COL4A2: variants seen among roughly 807,000 people sequenced by gnomAD.
COL4A2 encodes the protein collagen alpha-2(IV) chain.
In COL4A2, 99 loss-of-function variants were observed where a neutral mutation model predicts 200.2. The ratio of observed to expected loss-of-function variants is 0.49; its 90% CI spans 0.42 to 0.58. The LOEUF is 0.58. Among genes scored for constraint, COL4A2 ranks in the 20% least tolerant of loss-of-function variants. COL4A2 has a pLI of 0.00. For synonymous variants in COL4A2, 897 were observed against 900.6 expected, an observed-to-expected ratio of 1.00 and a Z score of 0.07; for missense variants, 1,950 against 2,314.1, an observed-to-expected ratio of 0.84 and a Z score of 3.23.
chr13:110,311,938 A>G (rs947536863), intron 3 of COL4A2, among the ~76,000 whole-genome samples: 22 of 151,448 alleles, frequency 1.5e-4, no homozygotes, highest in African/African-American at 5.3e-4. Flanking sequence ...GTTGGCTGCC[A>G]CCGCCTTCCC....
At chr13:110,476,298 C>T (rs1882701686) in intron 29 of COL4A2, among the ~76,000 whole-genome samples, 1 of 152,214 alleles carries the variant, frequency 6.6e-6, no homozygotes, top group Admixed American at 6.5e-5. Flanking sequence ...AATCCATTTC[C>T]CCTGGAGCTC....
intron 4 of COL4A2, among the ~76,000 whole-genome samples, chr13:110,412,215 G>T (rs562379592): frequency 6.6e-6 from 1 of 152,352 alleles, no homozygotes; most frequent in South Asian, 2.1e-4. Context: ...AAGGAAAATG[G>T]AATTCGATGT....
rs773933253 is a variant in COL4A2 at position 110,504,195 on chromosome 13, G to C, written c.4333G>C (p.Val1445Leu). The change falls in exon 45 of 48, where the codon GTG becomes CTG. Residue 1445 changes from valine (V) to leucine (L), a missense_variant. Transcript: ENST00000360467. ...AGCTGGGCCCCAAGGAAGAGGTGGT[G>C]TGTCTGCTGTTCCCGGCTTCCGGGG... ...GKAGPQGRGG[V>L]SAVPGFRGDE... The C allele has an allele frequency of 1.9e-6, 3 of 1,614,178 alleles. No homozygotes were observed. Among genetic ancestry groups the C allele is most frequent in the Non-Finnish European group, 2.5e-6 (3 of 1,180,036 alleles).
At chr13:110,385,559 ATAGACCGTGGCTGCAGTGTG>A (rs1878679483) in intron 4 of COL4A2, among the ~76,000 whole-genome samples, 1 of 142,928 alleles carries the variant, frequency 7.0e-6, no homozygotes, top group Non-Finnish European at 1.5e-5. Context: ...CAGTGTGTGG[ATAGACCGTGGCTGCAGTGTG>A]TGGATAGGCC....
chr13:110,433,535 A>G lies in COL4A2; in HGVS notation c.685-866A>G, dbSNP rs185375732. Among the ~76,000 whole-genome samples the G allele has an allele frequency of 3.3e-5, 5 of 152,354 alleles. No homozygotes were observed. In the East Asian group the frequency reaches 9.6e-4, roughly 29 times the overall value. ...TCAGCTCCCCACCAGGTGGGGAAGA[A>G]GCAAAAGGCAAAAATTCATTGAAGG... is the stretch of plus-strand genomic sequence containing the variant. On this transcript the variant is annotated intron_variant, in intron 11 of 47. Coordinates refer to ENST00000360467, the MANE Select transcript of COL4A2 (RefSeq NM_001846.4).
chr13:110,350,828 A>T (rs1392072910), intron 3 of COL4A2, among the ~76,000 whole-genome samples: 1 of 152,164 alleles, frequency 6.6e-6, no homozygotes, highest in South Asian at 2.1e-4. Flanking sequence ...CACACTTGCC[A>T]TGGCGGGGGC....
In COL4A2 at chr13:110,498,788, C is replaced by T. The variant is rs183114058; in HGVS notation, c.3761-2880C>T. Among the ~76,000 whole-genome samples, 107 of 152,360 alleles carry T rather than the reference C, an allele frequency of 7.0e-4. 1 individual carries two copies. The highest frequency in any genetic ancestry group is 5.7e-3 in the Admixed American group (88 of 15,306). ...AGGTAACATTGATGGCCTTATTACA[C>T]ATTTGATCTGTGTGGGACCCATTTA... On this transcript the variant is annotated intron_variant, in intron 40 of 47. Coordinates refer to ENST00000360467, the MANE Select transcript of COL4A2 (RefSeq NM_001846.4).
At position 110,351,220 on chromosome 13, in the gene COL4A2, TTTG is replaced by T. The variant is rs1200113330; in HGVS notation, c.100-6249_100-6247del. On this transcript the variant is annotated intron_variant, in intron 3 of 47. Coordinates refer to ENST00000360467, the MANE Select transcript of COL4A2 (RefSeq NM_001846.4). ...TGCACCACCACACCCAGCTATTCTT[TTTG>T]TTTGTTTGTTTGTTTGTTTGTTCGT... is the stretch of plus-strand genomic sequence containing the variant. Among the ~76,000 whole-genome samples the T allele has an allele frequency of 2.5e-3, 120 of 47,126 alleles. 4 individuals are homozygous for T. Among genetic ancestry groups the T allele is most frequent in the East Asian group, 0.024 (74 of 3,094 alleles). 30.9% of individuals were successfully genotyped at this position (47,126 alleles called of 152,430 possible). A position where few individuals can be genotyped will look rare whatever the true frequency, so the allele number is the denominator to read the frequency against.
intron 28 of COL4A2, among the ~76,000 whole-genome samples, chr13:110,470,173 G>T (rs1044275905): frequency 6.6e-6 from 1 of 152,092 alleles, no homozygotes; most frequent in African/African-American, 2.4e-5. Flanking sequence ...GCCTCAGCCT[G>T]CCAAAGTGCT....
At chr13:110,471,209 C>T (rs1882456512) in intron 28 of COL4A2, among the ~76,000 whole-genome samples, 1 of 152,218 alleles carries the variant, frequency 6.6e-6, no homozygotes, top group African/African-American at 2.4e-5. Flanking sequence ...AGTGCCCAGC[C>T]ATGTGTGCGT....
intron 35 of COL4A2, 29 bp downstream of exon 35, chr13:110,489,537 G>C (rs778207838): frequency 6.2e-7 from 1 of 1,613,400 alleles, no homozygotes. Context: ...GTGAAAACAG[G>C]GAGTCCACAA....
rs539690898 is a variant in COL4A2, at chr13:110,361,588, C to T, written c.180+4036C>T. Among the ~76,000 whole-genome samples the T allele has an allele frequency of 1.2e-4, 19 of 152,294 alleles. No homozygotes were observed. In the East Asian group the frequency reaches 2.1e-3, roughly 17 times the overall value. ...TACGTCACTGGATAACTTTTGGACACGAAGCAGAAATCACAAGCATACTAT... is the reference window on the plus strand; with the variant it reads ...TACGTCACTGGATAACTTTTGGACATGAAGCAGAAATCACAAGCATACTAT... On this transcript the variant is annotated intron_variant, in intron 4 of 47. Transcript: ENST00000360467.
chr13:110,340,958 G>A (rs749338877), intron 3 of COL4A2: 2 of 152,292 alleles, frequency 1.3e-5, no homozygotes, highest in Non-Finnish European at 2.9e-5. Context: ...TAAGGGAAAA[G>A]ATTTCAGTGA....
chr13:110,491,751 G>C (rs143797127), intron 37 of COL4A2, among the ~76,000 whole-genome samples: 3 of 152,272 alleles, frequency 2.0e-5, no homozygotes, highest in African/African-American at 7.2e-5. Context: ...TCAGCACCGG[G>C]GAATGCCAAG....
At chr13:110,468,360 G>A (rs1882334876) in intron 27 of COL4A2, 2 of 470,580 alleles carry the variant, frequency 4.3e-6, no homozygotes, top group Non-Finnish European at 8.8e-6. Flanking sequence ...CACTCATACA[G>A]CAACCCCCAA....
intron 22 of COL4A2, among the ~76,000 whole-genome samples, chr13:110,460,947 T>G (rs948188153): frequency 6.6e-6 from 1 of 152,200 alleles, no homozygotes; most frequent in East Asian, 1.9e-4. Flanking sequence ...GAAGGGAAAC[T>G]CCCAATTACT....
chr13:110,512,017 C>T lies in COL4A2; in HGVS notation c.4965C>T (p.Phe1655=), dbSNP rs766741359. 2 of 1,613,612 alleles carry T rather than the reference C, an allele frequency of 1.2e-6. No individual in the cohort carries two copies. Among genetic ancestry groups the T allele is most frequent in the South Asian group, 2.2e-5 (2 of 91,088 alleles). ...TAGAGGACTTCCGCGCCACACCATT[C>T]ATCGAATGCAATGGAGGCCGCGGCA... ...SCLEDFRATP[F]IECNGGRGTC... is the part of the protein sequence containing the mutation. The change falls in exon 48 of 48, where the codon TTC becomes TTT. Residue 1655 remains phenylalanine (F), a synonymous_variant. Coordinates refer to ENST00000360467, the MANE Select transcript of COL4A2 (RefSeq NM_001846.4).
chr13:110,512,225 T>A lies in COL4A2; in HGVS notation c.*34T>A, dbSNP rs1884110335. ...GTGCCAGGAAGGGCCATTTTGGTGCTTATTCTTAACTTATTACCTCAGGTG... is the reference window on the plus strand; with the variant it reads ...GTGCCAGGAAGGGCCATTTTGGTGCATATTCTTAACTTATTACCTCAGGTG... On this transcript the variant is annotated 3_prime_UTR_variant, in exon 48 of 48. Coordinates refer to ENST00000360467, the MANE Select transcript of COL4A2 (RefSeq NM_001846.4). 13 of 1,590,988 alleles carry A rather than the reference T, an allele frequency of 8.2e-6. No individual in the cohort carries two copies. Among genetic ancestry groups the A allele is most frequent in the Non-Finnish European group, 1.0e-5 (12 of 1,171,134 alleles).
At chr13:110,371,053 C>T (rs1210717798) in intron 4 of COL4A2, among the ~76,000 whole-genome samples, 1 of 152,160 alleles carries the variant, frequency 6.6e-6, no homozygotes, top group Non-Finnish European at 1.5e-5. Context: ...AAAGGGTGCC[C>T]TTCAAAAATG....
Sources: gnomAD v4.1 joint callset for allele counts (sites outside exome capture counted in the v4.1 genomes callset) on GRCh38, gnomAD v4.1.1 for gene constraint, MANE v1.5 for transcripts, NCBI Gene and HGNC (gene_info 2026-07-23, HGNC 2026-07-21) for gene names.